The following TNS3 variants were observed in gnomAD, a reference collection of about 807,000 sequenced individuals.
TNS3 encodes tensin-3.
A neutral mutation model predicts 140.9 loss-of-function variants in TNS3; 45 were observed. The observed-to-expected ratio is 0.32, with a 90% CI of 0.25 to 0.41. The LOEUF (loss-of-function observed/expected upper bound fraction) is 0.41. TNS3 is among the 10% of genes least tolerant of loss of function. TNS3 has a pLI of 1.00. For missense variants in TNS3, 1,716 were observed against 1,906.7 expected (o/e 0.90, Z 1.86); for synonymous variants, 815 against 788.4 (o/e 1.03, Z -0.56).
chr7:47,546,053 T>C (rs985646983), intron 1 of TNS3, among the ~76,000 whole-genome samples: 2 of 152,210 alleles, frequency 1.3e-5, no homozygotes, highest in African/African-American at 4.8e-5. Flanking sequence ...GCAGGTGCCC[T>C]GCTCTCCTGT....
At chr7:47,306,113 C>T (rs1018817668) in intron 20 of TNS3, among the ~76,000 whole-genome samples, 1 of 152,162 alleles carries the variant, frequency 6.6e-6, no homozygotes, top group African/African-American at 2.4e-5. Flanking sequence ...ACCAGAATCA[C>T]ACTTTATAAA....
chr7:47,397,242 C>A (rs1376196564), intron 15 of TNS3, among the ~76,000 whole-genome samples: 1 of 152,188 alleles, frequency 6.6e-6, no homozygotes, highest in Non-Finnish European at 1.5e-5. Context: ...GCCTCAGAGT[C>A]CACAGATTTG....
At chr7:47,316,094 T>TC (rs1787382001) in intron 20 of TNS3, among the ~76,000 whole-genome samples, 4 of 105,782 alleles carry the variant, frequency 3.8e-5, no homozygotes, top group South Asian at 3.8e-4. Flanking sequence ...AACTAACTAT[T>TC]TCTCTCTCTC....
chr7:47,399,879 T>C (rs1793057320), intron 15 of TNS3, among the ~76,000 whole-genome samples: 1 of 149,530 alleles, frequency 6.7e-6, no homozygotes, highest in African/African-American at 2.5e-5. Flanking sequence ...ATCATCAGAG[T>C]AAACAGAACC....
intron 10 of TNS3, among the ~76,000 whole-genome samples, chr7:47,420,073 T>C (rs1481816962): frequency 2.6e-5 from 4 of 152,248 alleles, no homozygotes; most frequent in African/African-American, 9.6e-5. Context: ...ATTTGTCGGT[T>C]ACAGAGACTA....
chr7:47,425,600 G>A (rs1794604911), intron 9 of TNS3, among the ~76,000 whole-genome samples: 2 of 152,164 alleles, frequency 1.3e-5, no homozygotes, highest in African/African-American at 2.4e-5. Context: ...CTTTAGCACC[G>A]AGTCCATCAC....
At chr7:47,559,219 G>C (rs1240399465) in intron 1 of TNS3, among the ~76,000 whole-genome samples, 5 of 152,080 alleles carry the variant, frequency 3.3e-5, no homozygotes, top group Admixed American at 3.3e-4. Context: ...GCATGGTGAC[G>C]CGCGCCTGTA....
At chr7:47,457,391 T>C (rs1018406137) in intron 4 of TNS3, among the ~76,000 whole-genome samples, 1 of 152,106 alleles carries the variant, frequency 6.6e-6, no homozygotes, top group African/African-American at 2.4e-5. Flanking sequence ...ATTGACCTGA[T>C]CAGTGCTCTA....
chr7:47,368,798 A>C lies in TNS3; in HGVS notation c.1848T>G (p.Pro616=). 6.2e-7 allele frequency: 1 copy of C among 1,607,756 alleles called. No homozygotes were observed. Among genetic ancestry groups the C allele is most frequent in the East Asian group, 2.2e-5 (1 of 44,826 alleles). Residue 616 remains proline (P), a synonymous_variant, in exon 17 of 31, where the codon CCT becomes CCG. Coordinates refer to ENST00000311160, the MANE Select transcript of TNS3 (RefSeq NM_022748.12). ...DGEARLVSRC[P]ADNPGLVQAQ... is the part of the protein sequence containing the mutation. ...CCTGGACGAGGCCAGGATTGTCTGC[A>C]GGGCAGCGGCTCACCAGCCGGGCCT... is the stretch of plus-strand genomic sequence containing the variant.
intron 16 of TNS3, among the ~76,000 whole-genome samples, chr7:47,395,131 A>G (rs1399487626): frequency 2.0e-5 from 3 of 152,188 alleles, no homozygotes; most frequent in Non-Finnish European, 4.4e-5. Flanking sequence ...GGAACCTCCC[A>G]GCATCACGAG....
intron 3 of TNS3, among the ~76,000 whole-genome samples, chr7:47,504,852 A>T (rs1032951483): frequency 6.6e-6 from 1 of 152,212 alleles, no homozygotes; most frequent in Non-Finnish European, 1.5e-5. Context: ...TATAAAAAAA[A>T]TGAACACGGA....
chr7:47,442,373 G>A (rs1203083169), intron 4 of TNS3, among the ~76,000 whole-genome samples: 2 of 152,206 alleles, frequency 1.3e-5, no homozygotes, highest in South Asian at 2.1e-4. Context: ...CACAGGAGGT[G>A]CCAGATGACA....
At chr7:47,358,711 A>G (rs1790147641) in intron 17 of TNS3, among the ~76,000 whole-genome samples, 1 of 152,228 alleles carries the variant, frequency 6.6e-6, no homozygotes, top group Non-Finnish European at 1.5e-5. Flanking sequence ...TCAAGCCACA[A>G]TGCAGTGGAC....
At chr7:47,312,116 C>T (rs1584375734) in intron 20 of TNS3, among the ~76,000 whole-genome samples, 4 of 152,142 alleles carry the variant, frequency 2.6e-5, no homozygotes, top group Admixed American at 2.0e-4. Context: ...CCAGGCCTGG[C>T]AAATGCTCAG....
intron 10 of TNS3, among the ~76,000 whole-genome samples, chr7:47,417,078 C>A (rs1293039344): frequency 6.6e-6 from 1 of 152,222 alleles, no homozygotes; most frequent in East Asian, 1.9e-4. Context: ...CTGGACCAGG[C>A]ATCTAGGTGA....
At chr7:47,570,921 C>G (rs1180594276) in intron 1 of TNS3, among the ~76,000 whole-genome samples, 1 of 152,052 alleles carries the variant, frequency 6.6e-6, no homozygotes, top group African/African-American at 2.4e-5. Flanking sequence ...AACCCAATCC[C>G]ACAGAATGTG....
chr7:47,496,720 G>C (rs183691782), intron 3 of TNS3, among the ~76,000 whole-genome samples: 1 of 152,220 alleles, frequency 6.6e-6, no homozygotes, highest in East Asian at 1.9e-4. Context: ...GTACCTGCTC[G>C]TCAGGGGCTT....
At chr7:47,508,331 A>G (rs2151885948) in intron 2 of TNS3, among the ~76,000 whole-genome samples, 1 of 152,350 alleles carries the variant, frequency 6.6e-6, no homozygotes, top group Non-Finnish European at 1.5e-5. Context: ...TTGTAAGATT[A>G]TTCACAAAGA....
At position 47,295,681 on chromosome 7, in the gene TNS3, C is replaced by G. The variant is rs185941230; in HGVS notation, c.3676+1401G>C. On this transcript the variant is annotated intron_variant, in intron 24 of 30. Transcript: ENST00000311160. Reference sequence around the variant, plus strand: ...TCGGGGCTGAGCTTTGACTGAGCCCCGGGTCTTTCCCAGCCTCACTCCCCA... The same window carrying G: ...TCGGGGCTGAGCTTTGACTGAGCCCGGGGTCTTTCCCAGCCTCACTCCCCA... 1.3e-3 allele frequency among the ~76,000 whole-genome samples: 200 copies of G among 152,242 alleles called. 2 individuals carry two copies. Among genetic ancestry groups the G allele is most frequent in the Non-Finnish European group, 2.2e-3 (151 of 68,022 alleles).
Sources: allele counts gnomAD v4.1 joint callset (sites outside exome capture counted in the v4.1 genomes callset), GRCh38; gene constraint gnomAD v4.1.1; transcripts MANE v1.5; gene names NCBI Gene and HGNC (gene_info 2026-07-23, HGNC 2026-07-21).